TMEM132D: variants seen among roughly 807,000 people sequenced by gnomAD.
The protein encoded by TMEM132D is mature OL transmembrane protein.
Under a neutral mutation model 62.3 loss-of-function variants are expected in TMEM132D, and 21 were observed. The ratio of observed to expected loss-of-function variants is 0.34; its 90% CI spans 0.24 to 0.49. TMEM132D has a LOEUF of 0.49. Ranked by LOEUF, TMEM132D falls within the 20% of genes least tolerant of loss-of-function variation. The pLI, the probability that TMEM132D is intolerant of heterozygous loss-of-function variation, is 0.99. For missense variants in TMEM132D, 1,346 were observed against 1,402.8 expected, an observed-to-expected ratio of 0.96 and a Z score of 0.65; for synonymous variants, 621 against 575.6, an observed-to-expected ratio of 1.08 and a Z score of -1.13.
At chr12:129,447,884 T>A (rs1873153874) in intron 3 of TMEM132D, among the ~76,000 whole-genome samples, 1 of 152,202 alleles carries the variant, frequency 6.6e-6, no homozygotes, top group Admixed American at 6.6e-5. Context: ...ATCTGGGTAC[T>A]ATTTATCTGA....
chr12:129,353,239 A>G (rs1474139064), intron 3 of TMEM132D, among the ~76,000 whole-genome samples: 1 of 152,116 alleles, frequency 6.6e-6, no homozygotes, highest in Non-Finnish European at 1.5e-5. Context: ...TGCTCTTGGA[A>G]GTATTCAGTA....
chr12:129,721,471 A>C (rs2137244383), intron 1 of TMEM132D, among the ~76,000 whole-genome samples: 1 of 152,268 alleles, frequency 6.6e-6, no homozygotes, highest in South Asian at 2.1e-4. Flanking sequence ...AGAACGGGGA[A>C]GCTTCACCAA....
chr12:129,274,655 G>A (rs1880953922), intron 4 of TMEM132D, among the ~76,000 whole-genome samples: 1 of 152,186 alleles, frequency 6.6e-6, no homozygotes. Context: ...GGGAGTCTGA[G>A]GCGGGCGGAT....
At chr12:129,213,057 G>A (rs1879099767) in intron 4 of TMEM132D, among the ~76,000 whole-genome samples, 1 of 152,208 alleles carries the variant, frequency 6.6e-6, no homozygotes, top group South Asian at 2.1e-4. Flanking sequence ...AGTGACACGG[G>A]GAAAAGGAGG....
intron 2 of TMEM132D, among the ~76,000 whole-genome samples, chr12:129,536,683 G>A (rs1004085289): frequency 6.6e-6 from 1 of 152,144 alleles, no homozygotes; most frequent in African/African-American, 2.4e-5. Context: ...TTCACTTTGG[G>A]AGACACTAGG....
intron 5 of TMEM132D, among the ~76,000 whole-genome samples, chr12:129,125,101 C>A (rs1215072850): frequency 1.3e-5 from 2 of 152,194 alleles, no homozygotes; most frequent in Admixed American, 6.5e-5. Flanking sequence ...TCATGCTCTT[C>A]TGCAAGTCTG....
At chr12:129,299,628 G>GTTT (rs11394064) in intron 4 of TMEM132D, among the ~76,000 whole-genome samples, 4,912 of 136,930 alleles carry the variant, frequency 0.036, 154 homozygotes, top group Middle Eastern at 0.076. Flanking sequence ...GAACAATCAG[G>GTTT]TTTTTTTTTT....
At chr12:129,195,352 T>G (rs1593292439) in intron 5 of TMEM132D, among the ~76,000 whole-genome samples, 4 of 149,266 alleles carry the variant, frequency 2.7e-5, no homozygotes, top group East Asian at 2.0e-4. Context: ...AGAGGGAGGG[T>G]GGGGAGATGG....
intron 1 of TMEM132D, among the ~76,000 whole-genome samples, chr12:129,832,905 C>T (rs1872887606): frequency 6.6e-6 from 1 of 152,212 alleles, no homozygotes; most frequent in African/African-American, 2.4e-5. Context: ...CAAGTTCCAC[C>T]TTGCTAAGAA....
At chr12:129,145,422 G>C (rs1876867021) in intron 5 of TMEM132D, among the ~76,000 whole-genome samples, 1 of 152,152 alleles carries the variant, frequency 6.6e-6, no homozygotes, top group Non-Finnish European at 1.5e-5. Context: ...GTTTCTGTGA[G>C]CATGGGCAGG....
intron 1 of TMEM132D, among the ~76,000 whole-genome samples, chr12:129,712,009 C>T (rs1381744122): frequency 3.3e-5 from 5 of 151,904 alleles, no homozygotes. Context: ...GGAAAGTCTC[C>T]AGTACATCCT....
At position 129,750,900 on chromosome 12, in the gene TMEM132D, A is replaced by C. The variant is rs547959038; in HGVS notation, c.80-50202T>G. Among the ~76,000 whole-genome samples, 154 of 152,334 alleles carry C rather than the reference A, an allele frequency of 1.0e-3. 1 individual carries two copies. The South Asian group carries it at 0.013, about 13-fold the overall frequency. On this transcript the variant is annotated intron_variant, in intron 1 of 8. Coordinates refer to ENST00000422113, the MANE Select transcript of TMEM132D (RefSeq NM_133448.3). The stretch of plus-strand genomic sequence containing the variant: ...TGAAAATGATCATCACACAATGTAT[A>C]CATGTATCAAAACATCATGTTGTAC...
At chr12:129,468,015 C>T (rs1184680105) in intron 3 of TMEM132D, among the ~76,000 whole-genome samples, 2 of 152,160 alleles carry the variant, frequency 1.3e-5, no homozygotes, top group African/African-American at 4.8e-5. Context: ...AGAGCACACA[C>T]GTGACACTTG....
intron 1 of TMEM132D, among the ~76,000 whole-genome samples, chr12:129,841,603 T>C (rs992103851): frequency 2.0e-5 from 3 of 152,202 alleles, no homozygotes; most frequent in African/African-American, 7.2e-5. Context: ...TTAAACTCTT[T>C]CTTAAACTTT....
At chr12:129,147,261 T>TGTGCATATGTATATATATAC (rs1565978377) in intron 5 of TMEM132D, among the ~76,000 whole-genome samples, 10 of 142,386 alleles carry the variant, frequency 7.0e-5, no homozygotes, top group Non-Finnish European at 1.1e-4. Flanking sequence ...TATATATACA[T>TGTGCATATGTATATATATAC]ATGTGCATAT....
intron 3 of TMEM132D, among the ~76,000 whole-genome samples, chr12:129,442,914 G>A (rs192558730): frequency 6.6e-5 from 10 of 152,072 alleles, no homozygotes; most frequent in African/African-American, 2.4e-4. Context: ...AGGTGACGGT[G>A]GCTGACAACC....
rs73439594 is a variant in TMEM132D, at chr12:129,634,091, C to T, written c.968+65719G>A. On this transcript the variant is annotated intron_variant, in intron 2 of 8. Transcript: ENST00000422113. Reference sequence around the variant, plus strand: ...ACTCCAAACACCCGCATCCCATCCTCCCTGGCGTTGTCACGTGTGGGAAGG... The same window carrying T: ...ACTCCAAACACCCGCATCCCATCCTTCCTGGCGTTGTCACGTGTGGGAAGG... Among the ~76,000 whole-genome samples the T allele has an allele frequency of 8.6e-3, 1,305 of 152,306 alleles. 12 individuals carry two copies. Among genetic ancestry groups the T allele is most frequent in the African/African-American group, 0.03 (1,237 of 41,554 alleles).
At chr12:129,450,905 GCCACCACA>G (rs71082719) in intron 3 of TMEM132D, among the ~76,000 whole-genome samples, 149,937 of 151,806 alleles carry the variant, frequency 0.99, 74,069 homozygotes, top group Non-Finnish European at 1. Flanking sequence ...ACAGGTGCCT[GCCACCACA>G]CCACCACACC....
chr12:129,093,876 G>A (rs866680789), intron 5 of TMEM132D, among the ~76,000 whole-genome samples: 32 of 151,570 alleles, frequency 2.1e-4, no homozygotes, highest in South Asian at 1.5e-3. Context: ...CAGAAATGCC[G>A]CATATCTACA....
Sources: gnomAD v4.1 joint callset for allele counts (sites outside exome capture counted in the v4.1 genomes callset) on GRCh38, gnomAD v4.1.1 for gene constraint, MANE v1.5 for transcripts, NCBI Gene and HGNC (gene_info 2026-07-23, HGNC 2026-07-21) for gene names.